Variants in PIAS1 observed in about 807,000 individuals in gnomAD.
PIAS1 encodes the protein protein inhibitor of activated STAT 1, also known as E3 SUMO-protein ligase PIAS1.
Under a neutral mutation model 71.3 loss-of-function variants are expected in PIAS1, and 6 were observed. That is an observed-to-expected ratio of 0.08 (90% CI 0.05 to 0.17). The LOEUF is 0.17. Among genes scored for constraint, PIAS1 ranks in the 10% least tolerant of loss-of-function variants. PIAS1 has a pLI of 1.00. For missense variants in PIAS1, 555 were observed against 793.6 expected (o/e 0.70, Z 3.61); for synonymous variants, 303 against 292.9 (o/e 1.03, Z -0.35).
In PIAS1 at chr15:68,086,231, A is replaced by G; in HGVS notation, c.25-75A>G. ...TTAAGTAAACCATAAGAAGGGGGTT[A>G]TAATAAAGTGTCATTTAATAGTGTA... On this transcript the variant is annotated intron_variant, in intron 1 of 13. Coordinates refer to ENST00000249636, the MANE Select transcript of PIAS1 (RefSeq NM_016166.3). This position sits in a 1 kb window ranked among gnomAD's most constrained non-coding sequence, Gnocchi z 7.2. The G allele has an allele frequency of 1.0e-6, 1 of 1,001,748 alleles. No homozygotes were observed. The highest frequency in any genetic ancestry group is 1.6e-5 in the African/African-American group (1 of 61,428). The allele number at this position is 1,001,748 out of a possible 1,614,324, so 62.1% of individuals were successfully genotyped here.
chr15:68,180,176 A>C (rs902039800), intron 11 of PIAS1, among the ~76,000 whole-genome samples: 30 of 152,118 alleles, frequency 2.0e-4, no homozygotes, highest in Admixed American at 3.3e-4. Flanking sequence ...ATCACGGCTC[A>C]TGCAGCCTCG....
In PIAS1 at chr15:68,142,347, T is replaced by C; in HGVS notation, c.602+10T>C. 6.3e-7 allele frequency: 1 copy of C among 1,580,758 alleles called. No homozygotes were observed. Among genetic ancestry groups the C allele is most frequent in the Non-Finnish European group, 8.7e-7 (1 of 1,150,290 alleles). On this transcript the variant is annotated intron_variant, in intron 4 of 13. Coordinates refer to ENST00000249636, the MANE Select transcript of PIAS1 (RefSeq NM_016166.3). The stretch of plus-strand genomic sequence containing the variant: ...TACAGGTCCAGTTAAGGTACAGTGC[T>C]GACTATAGGATATATTCAAAGTTTA...
At chr15:68,180,406 G>A (rs537243647) in intron 11 of PIAS1, among the ~76,000 whole-genome samples, 1 of 152,018 alleles carries the variant, frequency 6.6e-6, no homozygotes, top group East Asian at 1.9e-4. Context: ...CCCAAAGTTA[G>A]TTAAATTATT....
intron 8 of PIAS1, among the ~76,000 whole-genome samples, chr15:68,168,367 A>G (rs1047631091): frequency 1.3e-5 from 2 of 152,098 alleles, no homozygotes; most frequent in Non-Finnish European, 2.9e-5. Context: ...AGCACGTTTT[A>G]TTGACATTTT....
rs374439450 is a variant in PIAS1 at position 68,192,567 on chromosome 15, T to C, written c.*4732T>C. 1.3e-5 allele frequency: 2 copies of C among 152,200 alleles called. No individual in the cohort carries two copies. Among genetic ancestry groups the C allele is most frequent in the African/African-American group, 4.8e-5 (2 of 41,450 alleles). 9.4% of individuals were successfully genotyped at this position (152,200 alleles called of 1,614,324 possible). Reference sequence around the variant, plus strand: ...GGAATTCCTCCTCTCCTTGCAGTTATGCTTGGGGAAATGAGAGTCTCCTTC... The same window carrying C: ...GGAATTCCTCCTCTCCTTGCAGTTACGCTTGGGGAAATGAGAGTCTCCTTC... On this transcript the variant is annotated 3_prime_UTR_variant, in exon 14 of 14. Coordinates refer to ENST00000249636, the MANE Select transcript of PIAS1 (RefSeq NM_016166.3).
rs2093081895 is a variant in PIAS1, at chr15:68,185,513, T to C, written c.1662+1846T>C. Among the ~76,000 whole-genome samples, 1 of 152,198 alleles carries C rather than the reference T, an allele frequency of 6.6e-6. No individual in the cohort carries two copies. The highest frequency in any genetic ancestry group is 2.1e-4 in the South Asian group (1 of 4,824). On this transcript the variant is annotated intron_variant, in intron 13 of 13. Transcript: ENST00000249636. The surrounding 1 kb of genome is among the most constrained non-coding windows in gnomAD (Gnocchi z 4.4). Reference sequence around the variant, plus strand: ...ATGTGGTTCCTGAGGAATTGACTAATGAGCTGTTGGAACTGGAACAGGAAC... The same window carrying C: ...ATGTGGTTCCTGAGGAATTGACTAACGAGCTGTTGGAACTGGAACAGGAAC...
At chr15:68,139,301 T>C (rs573404189) in intron 2 of PIAS1, among the ~76,000 whole-genome samples, 12 of 152,198 alleles carry the variant, frequency 7.9e-5, no homozygotes, top group Non-Finnish European at 1.3e-4. Context: ...AGTCATCATC[T>C]GCCTGACAAA....
At chr15:68,091,647 A>G (rs150391420) in intron 2 of PIAS1, among the ~76,000 whole-genome samples, 74 of 152,338 alleles carry the variant, frequency 4.9e-4, no homozygotes, top group African/African-American at 1.4e-3. Context: ...TTATGTCCCA[A>G]TAAATCCATC....
intron 1 of PIAS1, among the ~76,000 whole-genome samples, chr15:68,056,654 C>T (rs2091899727): frequency 1.3e-5 from 2 of 151,728 alleles, no homozygotes; most frequent in South Asian, 4.2e-4. Context: ...GTGATAGCGG[C>T]GTTAAAAAAA....
chr15:68,072,399 CAAAAAAAAAAA>C (rs1166484451), intron 1 of PIAS1, among the ~76,000 whole-genome samples: 601 of 25,022 alleles, frequency 0.024, 13 homozygotes, highest in African/African-American at 0.072. Flanking sequence ...GACTCCATCT[CAAAAAAAAAAA>C]AAAAAAAAAA....
At chr15:68,055,015 TC>T (rs966377060) in intron 1 of PIAS1, 1 of 157,372 alleles carries the variant, frequency 6.4e-6, no homozygotes, top group Non-Finnish European at 1.4e-5. Context: ...GCGTTGGGGT[TC>T]GGCTGAGAGG....
intron 7 of PIAS1, among the ~76,000 whole-genome samples, chr15:68,158,424 G>A (rs1305772425): frequency 1.3e-5 from 2 of 151,806 alleles, no homozygotes; most frequent in Non-Finnish European, 2.9e-5. Flanking sequence ...TTTTTTCCAG[G>A]AGACATCCCA....
At chr15:68,067,865 A>T (rs2092046389) in intron 1 of PIAS1, among the ~76,000 whole-genome samples, 1 of 152,098 alleles carries the variant, frequency 6.6e-6, no homozygotes, top group Admixed American at 6.5e-5. Context: ...TCTCTTCCCC[A>T]TTTCTTCTAG....
intron 2 of PIAS1, among the ~76,000 whole-genome samples, chr15:68,132,717 G>T (rs960852791): frequency 1.3e-5 from 2 of 152,118 alleles, no homozygotes; most frequent in Non-Finnish European, 2.9e-5. Context: ...AATTTGAGTG[G>T]CAAAATAGAG....
chr15:68,151,974 G>C (rs2092850416), intron 6 of PIAS1, among the ~76,000 whole-genome samples: 1 of 81,456 alleles, frequency 1.2e-5, no homozygotes, highest in African/African-American at 4.8e-5. Context: ...GGGGGAGACA[G>C]AGTCTTGCTC....
At chr15:68,137,497 C>T (rs1372543772) in intron 2 of PIAS1, among the ~76,000 whole-genome samples, 1 of 151,782 alleles carries the variant, frequency 6.6e-6, no homozygotes, top group African/African-American at 2.4e-5. Flanking sequence ...TAATTCTTTT[C>T]CGATTTTCTG....
intron 6 of PIAS1, among the ~76,000 whole-genome samples, chr15:68,146,986 T>G (rs1467465171): frequency 6.6e-6 from 1 of 152,188 alleles, no homozygotes; most frequent in Non-Finnish European, 1.5e-5. Context: ...AATATGAGTA[T>G]GCCATAAATT....
At chr15:68,184,712 G>C (rs1054136205) in intron 13 of PIAS1, 7 of 152,354 alleles carry the variant, frequency 4.6e-5, no homozygotes, top group Non-Finnish European at 7.3e-5. Context: ...TTTTCAATAC[G>C]CATGAAACCT....
At chr15:68,094,899 G>A (rs2092361258) in intron 2 of PIAS1, among the ~76,000 whole-genome samples, 1 of 152,142 alleles carries the variant, frequency 6.6e-6, no homozygotes, top group Admixed American at 6.6e-5. Context: ...TTCCTTTATA[G>A]ATAATATTCT....
Sources: allele counts gnomAD v4.1 joint callset (sites outside exome capture counted in the v4.1 genomes callset), GRCh38; gene constraint gnomAD v4.1.1; non-coding constraint Gnocchi (gnomAD v3.1); transcripts MANE v1.5; gene names NCBI Gene and HGNC (gene_info 2026-07-23, HGNC 2026-07-21).